Variants in HSPG2 observed in about 807,000 individuals in gnomAD.
HSPG2 encodes the protein heparan sulfate proteoglycan 2.
HSPG2 carries 278 observed loss-of-function variants against 526.6 expected under a neutral mutation model. The observed-to-expected ratio is 0.53, with a 90% CI of 0.48 to 0.58. The LOEUF (loss-of-function observed/expected upper bound fraction) is 0.58, where lower values mean the gene tolerates loss of function less well. Ranked by LOEUF, HSPG2 falls within the 20% of genes least tolerant of loss-of-function variation. The pLI is 0.00. For synonymous variants in HSPG2, 2,465 were observed against 2,555.4 expected (o/e 0.96, Z 1.07); for missense variants, 5,354 against 6,099.5 (o/e 0.88, Z 4.07).
intron 1 of HSPG2, among the ~76,000 whole-genome samples, chr1:21,936,823 T>C (rs1644500865): frequency 6.6e-6 from 1 of 152,102 alleles, no homozygotes; most frequent in African/African-American, 2.4e-5. Context: ...CTGCTCAAAG[T>C]TTCCCCTCCT....
At position 21,854,989 on chromosome 1, in the gene HSPG2, G is replaced by A. The variant is rs777099827; in HGVS notation, c.5998-6C>T. 24 of 1,611,906 alleles carry A rather than the reference G, an allele frequency of 1.5e-5. No homozygotes were observed. The highest frequency in any genetic ancestry group is 6.7e-5 in the East Asian group (3 of 44,902). On this transcript the variant is annotated splice_region_variant and splice_polypyrimidine_tract_variant and intron_variant, in intron 47 of 96. Transcript: ENST00000374695. ...TCTGTGCGCTCTGACCGGGCCTGCC[G>A]TGGGTGAGATGGGTCAGCTGCCCCA...
chr1:21,861,483 GT>G (rs1191415006), intron 39 of HSPG2, among the ~76,000 whole-genome samples: 19 of 28,258 alleles, frequency 6.7e-4, no homozygotes, highest in Non-Finnish European at 1.5e-3. Context: ...CCCTGTCTCA[GT>G]TTAAAAAAAA....
rs1274117937 is a variant in HSPG2 at position 21,890,918 on chromosome 1, A to G, written c.245-224T>C. Reference sequence around the variant, plus strand: ...CTGAGGGGCTTTAACTAACAGGGGAAATGGCCTGATCCAGAAACCAAGTGC... The same window carrying G: ...CTGAGGGGCTTTAACTAACAGGGGAGATGGCCTGATCCAGAAACCAAGTGC... On this transcript the variant is annotated intron_variant, in intron 3 of 96. Coordinates refer to ENST00000374695, the MANE Select transcript of HSPG2 (RefSeq NM_005529.7). This position sits in a 1 kb window ranked among gnomAD's most constrained non-coding sequence, Gnocchi z 4.1. Among the ~76,000 whole-genome samples the G allele has an allele frequency of 6.6e-6, 1 of 152,224 alleles. No homozygotes were observed. Among genetic ancestry groups the G allele is most frequent in the East Asian group, 1.9e-4 (1 of 5,200 alleles).
intron 33 of HSPG2, among the ~76,000 whole-genome samples, chr1:21,869,189 C>T (rs898901412): frequency 3.9e-5 from 6 of 152,190 alleles, no homozygotes; most frequent in Admixed American, 6.5e-5. Flanking sequence ...TCTCTCTGGG[C>T]GTGGCCTGGG....
chr1:21,888,819 A>G (rs1642143451), intron 6 of HSPG2: 2 of 815,746 alleles, frequency 2.5e-6, no homozygotes, highest in African/African-American at 3.5e-5. Flanking sequence ...AGGAGGACTT[A>G]TTGAAAAGTG....
intron 1 of HSPG2, chr1:21,908,509 G>A (rs755064221): frequency 1.2e-5 from 12 of 964,408 alleles, no homozygotes; most frequent in Non-Finnish European, 2.0e-5. Flanking sequence ...ACCCAGCAAA[G>A]CACACTTTGT....
At chr1:21,906,494 A>C (rs1288806829) in intron 1 of HSPG2, among the ~76,000 whole-genome samples, 1 of 152,196 alleles carries the variant, frequency 6.6e-6, no homozygotes, top group Admixed American at 6.5e-5. Context: ...AGGGGCAGGC[A>C]GGGCCAGGCC....
intron 1 of HSPG2, among the ~76,000 whole-genome samples, chr1:21,913,188 A>C (rs1643759683): frequency 1.3e-5 from 2 of 152,046 alleles, no homozygotes; most frequent in South Asian, 4.1e-4. Flanking sequence ...GGCCAGGATA[A>C]GGGGCTACAC....
rs966077562 is a variant in HSPG2, at chr1:21,864,375, C to T, written c.4627-162G>A. Among the ~76,000 whole-genome samples the T allele has an allele frequency of 7.9e-5, 12 of 152,166 alleles. No individual in the cohort carries two copies. Among genetic ancestry groups the T allele is most frequent in the South Asian group, 2.1e-4 (1 of 4,830 alleles). On this transcript the variant is annotated intron_variant, in intron 36 of 96. Transcript: ENST00000374695. The surrounding 1 kb of genome is among the most constrained non-coding windows in gnomAD (Gnocchi z 4.8). The stretch of plus-strand genomic sequence containing the variant: ...TCTGCTCAGTCTGTCCTCCCACCCA[C>T]GGCCCTCTCCCAGTCCACACTGTTC...
In HSPG2 at chr1:21,879,098, C is replaced by T. The variant is rs151039517; in HGVS notation, c.2367G>A (p.Gly789=). Residue 789 remains glycine (G), a synonymous_variant, in exon 18 of 97, where the codon GGG becomes GGA. Coordinates refer to ENST00000374695, the MANE Select transcript of HSPG2 (RefSeq NM_005529.7). The part of the protein sequence containing the change: ...HCLNCQHNTE[G]PQCNKCKAGF... The stretch of plus-strand genomic sequence containing the variant: ...CAGCCTTGCACTTGTTGCACTGTGG[C>T]CCCTCCGTGTTGTGCTGGCAATTCT... 115 of 1,614,120 alleles carry T rather than the reference C, an allele frequency of 7.1e-5. No homozygotes were observed. The highest frequency in any genetic ancestry group is 9.2e-5 in the Non-Finnish European group (109 of 1,180,048).
Position 21,851,831 on chromosome 1 carries a change from C to G in HSPG2, c.6966G>C (p.Thr2322=). 2 of 1,613,644 alleles carry G rather than the reference C, an allele frequency of 1.2e-6. No homozygotes were observed. The highest frequency in any genetic ancestry group is 1.7e-6 in the Non-Finnish European group (2 of 1,179,960). The change falls in exon 54 of 97, where the codon ACG becomes ACC. Residue 2322 remains threonine (T), a synonymous_variant. Transcript: ENST00000374695. The part of the protein sequence containing the change: ...RASNGMEASI[T]VTVTGTQGAN... The stretch of plus-strand genomic sequence containing the variant: ...CCCCCTGGGTCCCAGTTACTGTGAC[C>G]GTGATGGAGGCCTCCATGCCGTTGC...
intron 33 of HSPG2, among the ~76,000 whole-genome samples, chr1:21,871,909 T>G (rs938839396): frequency 6.6e-6 from 1 of 152,244 alleles, no homozygotes; most frequent in Non-Finnish European, 1.5e-5. Context: ...GTAGAATAAC[T>G]GCATGAAAGC....
chr1:21,846,604 G>C lies in HSPG2; in HGVS notation c.8165-5C>G, dbSNP rs1276545794. The stretch of plus-strand genomic sequence containing the variant: ...TGGGCATGGAGCTGCCAGGGGCTGG[G>C]GGAACAGAGATCAGTGAGTCGGCAC... On this transcript the variant is annotated splice_region_variant and splice_polypyrimidine_tract_variant and intron_variant, in intron 62 of 96. Coordinates refer to ENST00000374695, the MANE Select transcript of HSPG2 (RefSeq NM_005529.7). The C allele has an allele frequency of 9.9e-6, 16 of 1,613,404 alleles. No homozygotes were observed. Among genetic ancestry groups the C allele is most frequent in the African/African-American group, 6.7e-5 (5 of 74,948 alleles).
intron 28 of HSPG2, 122 bp downstream of exon 28, chr1:21,874,284 T>TA (rs1557760476): frequency 2.6e-5 from 34 of 1,331,824 alleles, no homozygotes; most frequent in Non-Finnish European, 3.5e-5. Context: ...CAAGTGACAC[T>TA]GAGCAGGCAG....
intron 23 of HSPG2, 37 bp downstream of exon 23, chr1:21,876,192 G>A: frequency 6.3e-7 from 1 of 1,581,958 alleles, no homozygotes; most frequent in South Asian, 1.1e-5. Flanking sequence ...TGTTCCTGCT[G>A]CCTGGAGTTT....
chr1:21,856,831 T>C lies in HSPG2; in HGVS notation c.5575+184A>G, dbSNP rs1325913462. 3.3e-5 allele frequency among the ~76,000 whole-genome samples: 5 copies of C among 152,242 alleles called. No individual in the cohort carries two copies. The East Asian group carries it at 9.6e-4, about 29-fold the overall frequency. On this transcript the variant is annotated intron_variant, in intron 44 of 96. Coordinates refer to ENST00000374695, the MANE Select transcript of HSPG2 (RefSeq NM_005529.7). Reference sequence around the variant, plus strand: ...GCTTATGGTCTCCCTGCCTAGGACGTGTACTTCAGGAGGACCGAGATACTG... The same window carrying C: ...GCTTATGGTCTCCCTGCCTAGGACGCGTACTTCAGGAGGACCGAGATACTG...
At chr1:21,906,983 C>T (rs1218191805) in intron 1 of HSPG2, among the ~76,000 whole-genome samples, 1 of 152,154 alleles carries the variant, frequency 6.6e-6, no homozygotes, top group East Asian at 1.9e-4. Flanking sequence ...GAAGGAAAAG[C>T]GGGCTGGCGG....
At chr1:21,930,441 G>A (rs1433607042) in intron 1 of HSPG2, among the ~76,000 whole-genome samples, 1 of 152,184 alleles carries the variant, frequency 6.6e-6, no homozygotes, top group African/African-American at 2.4e-5. Context: ...TGACATGAGA[G>A]GAAGGAATCT....
At chr1:21,888,210 A>C in intron 6 of HSPG2, 144 bp from the exon 7 acceptor site, 1 of 998,788 alleles carries the variant, frequency 1.0e-6, no homozygotes, top group South Asian at 1.5e-5. Context: ...GGCAAGCAGC[A>C]CACACTAGAC....
Sources: gnomAD v4.1 joint callset for allele counts (sites outside exome capture counted in the v4.1 genomes callset) on GRCh38, gnomAD v4.1.1 for gene constraint, Gnocchi (gnomAD v3.1) non-coding constraint, MANE v1.5 for transcripts, NCBI Gene and HGNC (gene_info 2026-07-23, HGNC 2026-07-21) for gene names.